LOC128125817: variants seen among roughly 807,000 people sequenced by gnomAD.
At chr1:41,601,793 G>A in the LOC128125817 span, among the ~76,000 whole-genome samples, 2 of 152,236 alleles carry the variant, frequency 1.3e-5, no homozygotes, top group East Asian at 3.9e-4. Context: ...TGGCAAGCAA[G>A]GGCATTCTTG....
chr1:41,585,414 G>A, the LOC128125817 span: 22 of 398,330 alleles, frequency 5.5e-5, no homozygotes, highest in East Asian at 6.4e-4. Flanking sequence ...GCCCAGACTC[G>A]GTGCCACACC....
the LOC128125817 span, among the ~76,000 whole-genome samples, chr1:41,595,347 G>C: frequency 6.6e-6 from 1 of 152,182 alleles, no homozygotes; most frequent in Non-Finnish European, 1.5e-5. Context: ...TCAGCCATTG[G>C]CGTTTCAGTC....
At chr1:41,625,277 T>C in the LOC128125817 span, among the ~76,000 whole-genome samples, 2 of 142,368 alleles carry the variant, frequency 1.4e-5, no homozygotes, top group Non-Finnish European at 3.0e-5. Flanking sequence ...AAGCAAGCAA[T>C]ACAATGATGA....
chr1:41,590,139 G>T, the LOC128125817 span, among the ~76,000 whole-genome samples: 2 of 152,234 alleles, frequency 1.3e-5, no homozygotes, highest in Non-Finnish European at 2.9e-5. Context: ...GGCTCAGGTG[G>T]TGGCAAAACA....
chr1:41,591,547 G>A, the LOC128125817 span, among the ~76,000 whole-genome samples: 1 of 151,902 alleles, frequency 6.6e-6, no homozygotes, highest in Non-Finnish European at 1.5e-5. Context: ...GATAATCATG[G>A]ATGAAAATCA....
chr1:41,606,742 A>G, the LOC128125817 span, among the ~76,000 whole-genome samples: 1 of 151,846 alleles, frequency 6.6e-6, no homozygotes, highest in Non-Finnish European at 1.5e-5. Flanking sequence ...TATTTTTTTC[A>G]AAGTTTGACA....
chr1:41,598,889 C>T, the LOC128125817 span, among the ~76,000 whole-genome samples: 1 of 151,896 alleles, frequency 6.6e-6, no homozygotes, highest in Non-Finnish European at 1.5e-5. Context: ...AATTTCAGCT[C>T]ACTGCAACCT....
the LOC128125817 span, among the ~76,000 whole-genome samples, chr1:41,593,635 G>A: frequency 1.3e-5 from 2 of 152,240 alleles, no homozygotes; most frequent in Non-Finnish European, 2.9e-5. Context: ...AATGGCGGGT[G>A]AGCACTATTT....
chr1:41,616,553 G>A, the LOC128125817 span, among the ~76,000 whole-genome samples: 2 of 146,100 alleles, frequency 1.4e-5, no homozygotes, highest in African/African-American at 5.1e-5. Context: ...CTCACTGCCT[G>A]AGGCAATAGC....
chr1:41,615,746 C>G, the LOC128125817 span, among the ~76,000 whole-genome samples: 1 of 150,838 alleles, frequency 6.6e-6, no homozygotes, highest in Non-Finnish European at 1.5e-5. Flanking sequence ...GACGGTCACT[C>G]CTGGGAGCAC....
chr1:41,619,402 TAC>T, the LOC128125817 span, among the ~76,000 whole-genome samples: 2 of 152,238 alleles, frequency 1.3e-5, no homozygotes, highest in Non-Finnish European at 2.9e-5. Context: ...TTATTTTACA[TAC>T]ACTTATGTTT....
the LOC128125817 span, among the ~76,000 whole-genome samples, chr1:41,626,294 G>A: frequency 6.6e-6 from 1 of 152,216 alleles, no homozygotes; most frequent in African/African-American, 2.4e-5. Flanking sequence ...CAGTGGCCGT[G>A]ATCACCTGGA....
chr1:41,618,295 C>T, the LOC128125817 span, among the ~76,000 whole-genome samples: 1 of 152,232 alleles, frequency 6.6e-6, no homozygotes, highest in Non-Finnish European at 1.5e-5. Flanking sequence ...AATGCCGGGC[C>T]AGGAGGTTAA....
the LOC128125817 span, among the ~76,000 whole-genome samples, chr1:41,620,915 T>G: frequency 6.6e-6 from 1 of 152,188 alleles, no homozygotes; most frequent in African/African-American, 2.4e-5. Context: ...GGCCTGTTCT[T>G]CTTCCACCTG....
At chr1:41,598,350 C>T in the LOC128125817 span, among the ~76,000 whole-genome samples, 3 of 152,148 alleles carry the variant, frequency 2.0e-5, no homozygotes, top group African/African-American at 7.2e-5. Context: ...TACAAGCTTC[C>T]TAGGTAGTTA....
the LOC128125817 span, among the ~76,000 whole-genome samples, chr1:41,588,216 C>T: frequency 4.8e-4 from 73 of 152,298 alleles, no homozygotes; most frequent in Middle Eastern, 0.01. Context: ...ATGGAGAGGC[C>T]TTTGGGTGCT....
At chr1:41,586,458 C>T in the LOC128125817 span, among the ~76,000 whole-genome samples, 1 of 151,958 alleles carries the variant, frequency 6.6e-6, no homozygotes, top group African/African-American at 2.4e-5. Flanking sequence ...TGTTCCCCAG[C>T]CCCTTCTCAG....
the LOC128125817 span, among the ~76,000 whole-genome samples, chr1:41,615,890 T>C: frequency 8.7e-5 from 13 of 149,350 alleles, no homozygotes; most frequent in African/African-American, 3.0e-4. Context: ...ATGCATAATA[T>C]TGCTGCTTGG....
the LOC128125817 span, among the ~76,000 whole-genome samples, chr1:41,621,466 T>C: frequency 2.6e-5 from 4 of 152,368 alleles, no homozygotes; most frequent in African/African-American, 9.6e-5. Flanking sequence ...GACTGCTCTG[T>C]CCACTCCCCA....
Sources: allele counts gnomAD v4.1 joint callset (sites outside exome capture counted in the v4.1 genomes callset), GRCh38; gene constraint gnomAD v4.1.1; transcripts MANE v1.5.